WARS1: variants seen among roughly 807,000 people sequenced by gnomAD.
WARS1 encodes the protein tryptophanyl-tRNA synthetase 1, also known as tryptophan--tRNA ligase, cytoplasmic.
A neutral mutation model predicts 47.8 loss-of-function variants in WARS1; 17 were observed. That is an observed-to-expected ratio of 0.36 (90% CI 0.24 to 0.53). The LOEUF (loss-of-function observed/expected upper bound fraction) is 0.53, where lower values mean the gene tolerates loss of function less well. Among genes scored for constraint, WARS1 ranks in the 20% least tolerant of loss-of-function variants. The pLI, the probability that WARS1 is intolerant of heterozygous loss-of-function variation, is 0.91. For synonymous variants in WARS1, 208 were observed against 228.1 expected (o/e 0.91, Z 0.79); for missense variants, 434 against 608.0 (o/e 0.71, Z 3.01).
At chr14:100,340,565 C>T (rs1046457686) in intron 9 of WARS1, 4 of 152,210 alleles carry the variant, frequency 2.6e-5, no homozygotes, top group African/African-American at 9.7e-5. Context: ...ACAATAGTAG[C>T]TCACTGCAGC....
At chr14:100,354,060 G>A (rs1222598180) in intron 5 of WARS1, 191 bp from the exon 6 acceptor site, 14 of 590,286 alleles carry the variant, frequency 2.4e-5, no homozygotes, top group South Asian at 2.1e-4. Context: ...TCGACCAGGT[G>A]GCCCTGTGTG....
chr14:100,334,965 G>A lies in WARS1; in HGVS notation c.1326C>T (p.Ile442=), dbSNP rs768529026. The change falls in exon 11 of 11, where the codon ATC becomes ATT. Residue 442 remains isoleucine (I), a synonymous_variant. Transcript: ENST00000392882. ...CCTTGCGCCGGGCCTGGTGCTCTGCGATCAAGGGCTGCAGAACCTCTATGA... is the reference window on the plus strand; with the variant it reads ...CCTTGCGCCGGGCCTGGTGCTCTGCAATCAAGGGCTGCAGAACCTCTATGA... ...KALIEVLQPL[I]AEHQARRKEV... 3.0e-5 allele frequency: 48 copies of A among 1,614,070 alleles called. No individual in the cohort carries two copies. Among genetic ancestry groups the A allele is most frequent in the Non-Finnish European group, 3.7e-5 (44 of 1,180,048 alleles).
chr14:100,336,994 C>A (rs897553876), intron 10 of WARS1, 68 bp downstream of exon 10: 1 of 1,578,628 alleles, frequency 6.3e-7, no homozygotes, highest in Admixed American at 1.7e-5. Flanking sequence ...CTGTTGGAGC[C>A]TTCCAGGCCC....
chr14:100,374,657 C>G (rs1896540551), intron 1 of WARS1: 1 of 152,198 alleles, frequency 6.6e-6, no homozygotes, highest in African/African-American at 2.4e-5. Context: ...TCAAGACAGC[C>G]AATTCTGGAG....
At chr14:100,340,003 G>A (rs992214549) in intron 9 of WARS1, 1 of 152,214 alleles carries the variant, frequency 6.6e-6, no homozygotes, top group Non-Finnish European at 1.5e-5. Context: ...GGCTGTTAGG[G>A]TTATGACATG....
intron 9 of WARS1, among the ~76,000 whole-genome samples, chr14:100,339,325 C>G (rs888365846): frequency 6.6e-6 from 1 of 152,184 alleles, no homozygotes; most frequent in Admixed American, 6.5e-5. Flanking sequence ...GGCGCAGTGG[C>G]TCACGCCTGT....
intron 4 of WARS1, among the ~76,000 whole-genome samples, chr14:100,354,804 T>C (rs1252619103): frequency 1.3e-5 from 2 of 152,174 alleles, no homozygotes; most frequent in African/African-American, 4.8e-5. Context: ...GTTTAAAAGA[T>C]GGATCCAGCT....
intron 9 of WARS1, among the ~76,000 whole-genome samples, chr14:100,341,857 G>T (rs1156471856): frequency 1.3e-5 from 2 of 152,202 alleles, no homozygotes; most frequent in Non-Finnish European, 2.9e-5. Flanking sequence ...GCTGCTCAGG[G>T]CCAGGAGAGC....
intron 6 of WARS1, among the ~76,000 whole-genome samples, chr14:100,349,399 C>T (rs1390879575): frequency 6.6e-6 from 1 of 152,190 alleles, no homozygotes; most frequent in Non-Finnish European, 1.5e-5. Context: ...ATGAGTCTGG[C>T]ATATAGCAGA....
At position 100,334,609 on chromosome 14, in the gene WARS1, T is replaced by C. The variant is rs191869503; in HGVS notation, c.*266A>G. The C allele has an allele frequency of 8.9e-6, 3 of 337,180 alleles. No homozygotes were observed. The highest frequency in any genetic ancestry group is 6.4e-5 in the African/African-American group (3 of 46,982). The allele number at this position is 337,180 out of a possible 1,614,324, so 20.9% of individuals were successfully genotyped here. On this transcript the variant is annotated 3_prime_UTR_variant, in exon 11 of 11. Coordinates refer to ENST00000392882, the MANE Select transcript of WARS1 (RefSeq NM_004184.4). ...CCAAAGGCTCCACTGTGGGGCTGCTTTGGGGAGAGACTCACAGCTGGACTT... is the reference window on the plus strand; with the variant it reads ...CCAAAGGCTCCACTGTGGGGCTGCTCTGGGGAGAGACTCACAGCTGGACTT...
intron 6 of WARS1, among the ~76,000 whole-genome samples, chr14:100,348,041 C>G (rs8022658): frequency 0.011 from 1,686 of 152,314 alleles, 34 homozygotes; most frequent in African/African-American, 0.038. Flanking sequence ...TGTGTCAATA[C>G]TCCTAAAATC....
chr14:100,358,875 T>G (rs1895490791), intron 4 of WARS1, among the ~76,000 whole-genome samples: 1 of 152,214 alleles, frequency 6.6e-6, no homozygotes, highest in Non-Finnish European at 1.5e-5. Context: ...GAATAGACAT[T>G]TCTCTAAAGA....
intron 1 of WARS1, among the ~76,000 whole-genome samples, chr14:100,369,666 G>A (rs959322494): frequency 6.6e-6 from 1 of 151,688 alleles, no homozygotes; most frequent in African/African-American, 2.4e-5. Context: ...AAAACTTTTG[G>A]CAAATTACTA....
intron 2 of WARS1, 25 bp downstream of exon 2, chr14:100,369,062 T>A: frequency 6.7e-7 from 1 of 1,497,742 alleles, no homozygotes; most frequent in Non-Finnish European, 9.0e-7. Flanking sequence ...GCTGCCTTCG[T>A]GGAGAACCCA....
intron 7 of WARS1, among the ~76,000 whole-genome samples, chr14:100,344,727 G>T (rs1894425522): frequency 6.7e-6 from 1 of 148,370 alleles, no homozygotes. Context: ...GAGCGCCTCT[G>T]CCCCGCCGCC....
chr14:100,346,399 T>A (rs547095370), intron 7 of WARS1, among the ~76,000 whole-genome samples: 1 of 152,250 alleles, frequency 6.6e-6, no homozygotes, highest in South Asian at 2.1e-4. Flanking sequence ...CTGGGTTCCA[T>A]CCAAGGCCAC....
chr14:100,335,203 C>A (rs1332491614), intron 10 of WARS1, among the ~76,000 whole-genome samples, 167 bp from the exon 11 acceptor site: 1 of 152,158 alleles, frequency 6.6e-6, no homozygotes, highest in African/African-American at 2.4e-5. Context: ...ATACCTTCAG[C>A]TACACTTTTC....
At chr14:100,335,677 G>A (rs1216244866) in intron 10 of WARS1, among the ~76,000 whole-genome samples, 2 of 152,028 alleles carry the variant, frequency 1.3e-5, no homozygotes, top group East Asian at 1.9e-4. Context: ...GAGCCACTGC[G>A]CCCAGCCAAA....
chr14:100,341,112 C>T (rs1894134209), intron 9 of WARS1, among the ~76,000 whole-genome samples: 1 of 152,026 alleles, frequency 6.6e-6, no homozygotes. Context: ...ACAGGAGTTT[C>T]ACCATGTTGG....
Sources: allele counts gnomAD v4.1 joint callset (sites outside exome capture counted in the v4.1 genomes callset), GRCh38; gene constraint gnomAD v4.1.1; transcripts MANE v1.5; gene names NCBI Gene and HGNC (gene_info 2026-07-23, HGNC 2026-07-21).